Variants in CACNA1C observed in about 807,000 individuals in gnomAD.
CACNA1C encodes the protein voltage-dependent L-type calcium channel subunit alpha-1C.
Under a neutral mutation model 229.0 loss-of-function variants are expected in CACNA1C, and 30 were observed. The observed-to-expected ratio is 0.13, with a 90% CI of 0.10 to 0.18. The LOEUF (loss-of-function observed/expected upper bound fraction) is 0.18. Ranked by LOEUF, CACNA1C falls within the 10% of genes least tolerant of loss-of-function variation. CACNA1C has a pLI of 1.00. For synonymous variants in CACNA1C, 1,114 were observed against 1,132.5 expected (o/e 0.98, Z 0.33); for missense variants, 1,658 against 2,845.0 (o/e 0.58, Z 9.49).
chr12:2,659,296 G>T (rs1726751405), intron 34 of CACNA1C, among the ~76,000 whole-genome samples: 1 of 152,110 alleles, frequency 6.6e-6, no homozygotes, highest in African/African-American at 2.4e-5. Flanking sequence ...TCAGTGTTTA[G>T]ATATGTTTAG....
At chr12:2,035,136 C>A (rs553778079) in intron 1 of CACNA1C, among the ~76,000 whole-genome samples, 4 of 152,186 alleles carry the variant, frequency 2.6e-5, no homozygotes, top group Non-Finnish European at 5.9e-5. Flanking sequence ...CTCCCCTGCG[C>A]CGGCGCGTGT....
intron 9 of CACNA1C, chr12:2,547,302 AT>A (rs534399974): frequency 2.5e-4 from 154 of 619,344 alleles, no homozygotes; most frequent in Middle Eastern, 5.1e-4. Context: ...GATTTATTGA[AT>A]TTTTTTTGTT....
chr12:2,522,441 T>G (rs191147459), intron 9 of CACNA1C, among the ~76,000 whole-genome samples: 1 of 152,320 alleles, frequency 6.6e-6, no homozygotes, highest in Admixed American at 6.5e-5. Flanking sequence ...ATTTTTCCAG[T>G]CTTAGCCATG....
intron 1 of CACNA1C, among the ~76,000 whole-genome samples, chr12:1,994,582 G>A (rs2040345074): frequency 6.6e-6 from 1 of 152,192 alleles, no homozygotes; most frequent in Admixed American, 6.5e-5. Context: ...CTCCCAAAGA[G>A]CTCTGTTAGG....
In CACNA1C at chr12:2,493,423, A is replaced by G. The variant is rs760833279; in HGVS notation, c.1113+37A>G. 1.4e-5 allele frequency: 21 copies of G among 1,541,772 alleles called. No homozygotes were observed. In the South Asian group the frequency reaches 2.0e-4, roughly 15 times the overall value. ...GAGTGGGCAGTCAGAGGGTGGGGGA[A>G]CAGCGGCCGTGAACCCTTCCCTGAC... On this transcript the variant is annotated intron_variant, in intron 7 of 46. Transcript: ENST00000399655. This position sits in a 1 kb window ranked among gnomAD's most constrained non-coding sequence, Gnocchi z 4.6.
intron 3 of CACNA1C, among the ~76,000 whole-genome samples, chr12:2,331,751 G>A (rs1211484478): frequency 2.0e-5 from 3 of 152,228 alleles, no homozygotes; most frequent in Non-Finnish European, 4.4e-5. Flanking sequence ...CAAAATGCGT[G>A]ATTCTGAGCT....
At chr12:2,094,079 G>A (rs116207784) in intron 1 of CACNA1C, among the ~76,000 whole-genome samples, 366 of 152,338 alleles carry the variant, frequency 2.4e-3, no homozygotes, top group African/African-American at 8.1e-3. Context: ...CTCCTTGTAT[G>A]TGTGTAGCTG....
chr12:2,400,953 C>T (rs983318327), intron 3 of CACNA1C, among the ~76,000 whole-genome samples: 1 of 152,168 alleles, frequency 6.6e-6, no homozygotes, highest in South Asian at 2.1e-4. Context: ...CCATCCTCAT[C>T]CTCTGAGCCT....
chr12:2,504,625 G>T lies in CACNA1C; in HGVS notation c.1114-217G>T. On this transcript the variant is annotated intron_variant, in intron 7 of 46. Transcript: ENST00000399655. This position sits in a 1 kb window ranked among gnomAD's most constrained non-coding sequence, Gnocchi z 6.8. ...TCCGTACATGCCCGGGGTCCTCAGG[G>T]ATGGGACCCTGACAGGCCCAGGAAA... is the stretch of plus-strand genomic sequence containing the variant. The T allele has an allele frequency of 1.2e-6, 1 of 863,550 alleles. No individual in the cohort carries two copies. Among genetic ancestry groups the T allele is most frequent in the South Asian group, 1.3e-5 (1 of 74,646 alleles). The allele number at this position is 863,550 out of a possible 1,614,324, so 53.5% of individuals were successfully genotyped here.
chr12:2,328,618 CAT>C (rs1345005830), intron 3 of CACNA1C, among the ~76,000 whole-genome samples: 1 of 152,082 alleles, frequency 6.6e-6, no homozygotes, highest in Non-Finnish European at 1.5e-5. Context: ...GTATGGAAAA[CAT>C]AGGTGGGCAT....
intron 38 of CACNA1C, among the ~76,000 whole-genome samples, 194 bp downstream of exon 38, chr12:2,669,229 G>T (rs1211865430): frequency 5.3e-5 from 8 of 152,076 alleles, no homozygotes; most frequent in Admixed American, 5.2e-4. Flanking sequence ...CTCCTGAATG[G>T]TCTCCCTGCC....
chr12:2,353,537 G>C (rs552603984), intron 3 of CACNA1C, among the ~76,000 whole-genome samples: 5 of 152,332 alleles, frequency 3.3e-5, no homozygotes, highest in African/African-American at 1.2e-4. Context: ...TGGAGAGGGA[G>C]ACGTGGAGGG....
intron 1 of CACNA1C, among the ~76,000 whole-genome samples, chr12:2,063,260 T>C (rs2058175356): frequency 1.3e-5 from 2 of 152,006 alleles, no homozygotes; most frequent in South Asian, 4.1e-4. Context: ...CAAGCGATTC[T>C]CCTGCCTCAG....
At chr12:2,292,437 G>T (rs2093607458) in intron 3 of CACNA1C, among the ~76,000 whole-genome samples, 1 of 152,254 alleles carries the variant, frequency 6.6e-6, no homozygotes, top group African/African-American at 2.4e-5. Context: ...GAAGGACACA[G>T]TTGAGTACCA....
intron 5 of CACNA1C, among the ~76,000 whole-genome samples, chr12:2,466,595 G>C (rs908507620): frequency 2.0e-5 from 3 of 152,176 alleles, no homozygotes; most frequent in Non-Finnish European, 4.4e-5. Context: ...CATGTTCCCA[G>C]ACTTCCTTTA....
At chr12:2,523,789 G>A (rs2099814086) in intron 9 of CACNA1C, among the ~76,000 whole-genome samples, 2 of 152,282 alleles carry the variant, frequency 1.3e-5, no homozygotes, top group South Asian at 4.1e-4. Flanking sequence ...GGGATGGAAG[G>A]GGAGATGAAT....
intron 3 of CACNA1C, among the ~76,000 whole-genome samples, chr12:2,413,356 G>A (rs1216978546): frequency 6.6e-6 from 1 of 152,186 alleles, no homozygotes; most frequent in Admixed American, 6.5e-5. Context: ...ACAAATGAAA[G>A]CAATTTGATA....
chr12:2,461,294 G>T (rs950994457), intron 5 of CACNA1C, among the ~76,000 whole-genome samples: 1 of 152,124 alleles, frequency 6.6e-6, no homozygotes, highest in Non-Finnish European at 1.5e-5. Context: ...TTGAACCACC[G>T]TTGCCCTTGG....
chr12:2,123,675 G>A (rs2088257756), intron 3 of CACNA1C, among the ~76,000 whole-genome samples: 1 of 152,128 alleles, frequency 6.6e-6, no homozygotes, highest in Non-Finnish European at 1.5e-5. Context: ...GGCATTGCTG[G>A]CCTTGCTGTC....
Sources: allele counts gnomAD v4.1 joint callset (sites outside exome capture counted in the v4.1 genomes callset), GRCh38; gene constraint gnomAD v4.1.1; non-coding constraint Gnocchi (gnomAD v3.1); transcripts MANE v1.5; gene names NCBI Gene and HGNC (gene_info 2026-07-23, HGNC 2026-07-21).